Variants in CEP350 observed in about 807,000 individuals in gnomAD.
CEP350 encodes centrosome-associated protein 350.
Under a neutral mutation model 331.8 loss-of-function variants are expected in CEP350, and 126 were observed. That is an observed-to-expected ratio of 0.38 (90% CI 0.33 to 0.44). The LOEUF (loss-of-function observed/expected upper bound fraction) is 0.44, where lower values mean the gene tolerates loss of function less well. CEP350 is among the 20% of genes least tolerant of loss of function. CEP350 has a pLI of 1.00. For synonymous variants in CEP350, 1,200 were observed against 1,259.5 expected, an observed-to-expected ratio of 0.95 and a Z score of 1.00; for missense variants, 3,406 against 3,634.6, an observed-to-expected ratio of 0.94 and a Z score of 1.62.
At chr1:180,037,685 C>T (rs1048039683) in intron 17 of CEP350, among the ~76,000 whole-genome samples, 3 of 152,042 alleles carry the variant, frequency 2.0e-5, no homozygotes, top group South Asian at 2.1e-4. Flanking sequence ...AGAGTCTCAC[C>T]GTTGCCCAGG....
Position 180,020,971 on chromosome 1 carries a change from T to C in CEP350, c.3197T>C (p.Ile1066Thr). 1.9e-6 allele frequency: 3 copies of C among 1,568,626 alleles called. No individual in the cohort carries two copies. The highest frequency in any genetic ancestry group is 2.6e-6 in the Non-Finnish European group (3 of 1,164,076). The stretch of plus-strand genomic sequence containing the variant: ...GCAAAGGGAAGTCCACATAGCGTCA[T>C]TAATATTTTTACAAAATCCTATCAG... The part of the protein sequence containing the change: ...ELAKGSPHSV[I>T]NIFTKSYQLY... The change falls in exon 12 of 38, where the codon ATT becomes ACT. Residue 1066 changes from isoleucine to threonine, a missense_variant. Around this residue, in one of 5 missense-constraint regions of CEP350, gnomAD observed 1,857 missense variants for 1,909.2 expected, o/e 0.97. Transcript: ENST00000367607.
intron 36 of CEP350, among the ~76,000 whole-genome samples, chr1:180,098,512 A>T (rs1279569559): frequency 6.6e-6 from 1 of 150,652 alleles, no homozygotes; most frequent in East Asian, 2.0e-4. Flanking sequence ...AGCTAATTTT[A>T]TATATTTTTT....
chr1:179,962,000 C>A (rs1558063620), intron 1 of CEP350, among the ~76,000 whole-genome samples: 1 of 151,944 alleles, frequency 6.6e-6, no homozygotes. Flanking sequence ...TACGAGCCAC[C>A]ATGCCCGGCT....
chr1:180,042,279 T>C (rs1268427619), intron 19 of CEP350, among the ~76,000 whole-genome samples: 1 of 152,168 alleles, frequency 6.6e-6, no homozygotes, highest in Non-Finnish European at 1.5e-5. Flanking sequence ...TGGGTGAAGA[T>C]GTTTCATTTT....
chr1:179,988,664 G>A (rs1355644159), intron 3 of CEP350, among the ~76,000 whole-genome samples: 2 of 151,814 alleles, frequency 1.3e-5, no homozygotes, highest in Non-Finnish European at 2.9e-5. Context: ...TCATTCAAAG[G>A]GAAACCCTTT....
chr1:179,971,015 T>G (rs1651406879), intron 1 of CEP350, among the ~76,000 whole-genome samples: 1 of 151,326 alleles, frequency 6.6e-6, no homozygotes, highest in Non-Finnish European at 1.5e-5. Context: ...AATAATAACT[T>G]TTTGTTGTTG....
Position 179,986,236 on chromosome 1 carries a change from A to T in CEP350, c.55A>T (p.Ser19Cys). 1 of 1,550,852 alleles carries T rather than the reference A, an allele frequency of 6.4e-7. No homozygotes were observed. Among genetic ancestry groups the T allele is most frequent in the Non-Finnish European group, 8.7e-7 (1 of 1,146,568 alleles). The part of the protein sequence containing the change: ...VPLPNPRNSQ[S>C]KDTVQADITT... ...TTTACCAAATCCAAGGAACTCTCAAAGCAAGGATACTGTTCAAGGTATGAT... is the reference window on the plus strand; with the variant it reads ...TTTACCAAATCCAAGGAACTCTCAATGCAAGGATACTGTTCAAGGTATGAT... The change falls in exon 2 of 38, where the codon AGC becomes TGC. Residue 19 changes from serine to cysteine, a missense_variant. By Grantham distance (112) the Ser-to-Cys change is moderately radical. This residue lies in a region of CEP350 where 1,857 missense variants were observed against 1,909.2 expected (regional missense o/e 0.97). Coordinates refer to ENST00000367607, the MANE Select transcript of CEP350 (RefSeq NM_014810.5).
chr1:180,066,719 GCTT>G (rs1332013203), intron 27 of CEP350, among the ~76,000 whole-genome samples: 2 of 152,122 alleles, frequency 1.3e-5, no homozygotes, highest in Admixed American at 6.5e-5. Flanking sequence ...ACTGATTAAG[GCTT>G]CTTCAAGTAG....
chr1:180,008,846 C>A (rs1654428459), intron 8 of CEP350, among the ~76,000 whole-genome samples: 1 of 152,110 alleles, frequency 6.6e-6, no homozygotes, highest in Non-Finnish European at 1.5e-5. Flanking sequence ...GGTTTTTGAT[C>A]AGGCATCTGT....
intron 25 of CEP350, among the ~76,000 whole-genome samples, chr1:180,058,930 CTA>C (rs2148994542): frequency 6.6e-6 from 1 of 152,278 alleles, no homozygotes; most frequent in Non-Finnish European, 1.5e-5. Flanking sequence ...CCATATTTTC[CTA>C]TGTCTTATTC....
chr1:179,992,544 T>G (rs991374338), intron 5 of CEP350, among the ~76,000 whole-genome samples: 1 of 152,220 alleles, frequency 6.6e-6, no homozygotes, highest in Admixed American at 6.5e-5. Context: ...CTTTTTTGTT[T>G]CGTCTTAATA....
intron 37 of CEP350, among the ~76,000 whole-genome samples, chr1:180,099,983 G>A (rs565787838): frequency 8.8e-4 from 134 of 151,812 alleles, no homozygotes; most frequent in African/African-American, 2.8e-3. Flanking sequence ...ATGGGATTTC[G>A]CCATGTTGGC....
intron 1 of CEP350, among the ~76,000 whole-genome samples, chr1:179,955,428 C>G (rs143883644): frequency 3.0e-3 from 461 of 152,310 alleles, no homozygotes; most frequent in Non-Finnish European, 5.4e-3. Context: ...GGTAAGATAC[C>G]TCTAGCCTTT....
At chr1:180,016,888 C>G (rs1016108735) in intron 11 of CEP350, among the ~76,000 whole-genome samples, 4 of 151,932 alleles carry the variant, frequency 2.6e-5, no homozygotes, top group African/African-American at 4.8e-5. Context: ...GTCTTAAACT[C>G]CTGACCTCAA....
chr1:179,961,133 C>G (rs1650578179), intron 1 of CEP350, among the ~76,000 whole-genome samples: 1 of 152,084 alleles, frequency 6.6e-6, no homozygotes, highest in African/African-American at 2.4e-5. Flanking sequence ...AAAAGTTTCA[C>G]TTTTCAAAGT....
chr1:179,971,098 G>A (rs1312251527), intron 1 of CEP350, among the ~76,000 whole-genome samples: 1 of 148,876 alleles, frequency 6.7e-6, no homozygotes, highest in Admixed American at 6.7e-5. Context: ...GTGCAATCTC[G>A]GCTCATTGCA....
chr1:180,013,635 AAT>A (rs1654794197), intron 9 of CEP350, among the ~76,000 whole-genome samples: 1 of 152,212 alleles, frequency 6.6e-6, no homozygotes, highest in Non-Finnish European at 1.5e-5. Flanking sequence ...AAACCAAGGA[AAT>A]ATAGTTTTTC....
chr1:180,019,926 C>A, intron 11 of CEP350, 23 bp from the exon 12 acceptor site: 7 of 1,539,792 alleles, frequency 4.5e-6, no homozygotes, highest in South Asian at 3.9e-5. Context: ...AGTTAACTAA[C>A]ATATTGTGAC....
At position 180,094,483 on chromosome 1, in the gene CEP350, A is replaced by T. The variant is rs761828843; in HGVS notation, c.8378A>T (p.Gln2793Leu). ...LSNQELLGDD[Q>L]KKVTPQDLSQ... is the part of the protein sequence containing the mutation. The stretch of plus-strand genomic sequence containing the variant: ...AATCAGGAGCTTCTTGGTGATGACC[A>T]AAAGAAAGTAACACCCCAAGACCTA... The change falls in exon 34 of 38, where the codon CAA becomes CTA. Residue 2793 changes from glutamine to leucine, a missense_variant. Gln to Leu is a moderately radical substitution (Grantham distance 113, BLOSUM62 -2). This residue lies in a region of CEP350 where 1,415 missense variants were observed against 1,512.3 expected (regional missense o/e 0.94). Coordinates refer to ENST00000367607, the MANE Select transcript of CEP350 (RefSeq NM_014810.5). 3.7e-6 allele frequency: 6 copies of T among 1,613,934 alleles called. No homozygotes were observed. In the East Asian group the frequency reaches 1.3e-4, roughly 36 times the overall value.
Sources: allele counts gnomAD v4.1 joint callset (sites outside exome capture counted in the v4.1 genomes callset), GRCh38; gene constraint gnomAD v4.1.1; regional missense constraint gnomAD v4.1.1; transcripts MANE v1.5; gene names NCBI Gene and HGNC (gene_info 2026-07-23, HGNC 2026-07-21).